The following GLDN variants were observed in gnomAD, a reference collection of about 807,000 sequenced individuals.
GLDN encodes the protein collomin.
Under a neutral mutation model 56.5 loss-of-function variants are expected in GLDN, and 47 were observed. The observed-to-expected ratio is 0.83, with a 90% CI of 0.66 to 1.06. The LOEUF (loss-of-function observed/expected upper bound fraction) is 1.06. Among genes scored for constraint, GLDN ranks in the 50% least tolerant of loss-of-function variants. The pLI is 0.00. For missense variants in GLDN, 782 were observed against 714.3 expected (o/e 1.09, Z -1.08); for synonymous variants, 332 against 278.8 (o/e 1.19, Z -1.90).
At chr15:51,403,793 T>C (rs1294216767) in intron 9 of GLDN, among the ~76,000 whole-genome samples, 2 of 152,206 alleles carry the variant, frequency 1.3e-5, no homozygotes, top group Non-Finnish European at 2.9e-5. Context: ...TTAGAAACCC[T>C]AAGTTCAACC....
rs747984124 is a variant in GLDN at position 51,394,838 on chromosome 15, T to C, written c.545T>C (p.Ile182Thr). 1 of 1,613,798 alleles carries C rather than the reference T, an allele frequency of 6.2e-7. No homozygotes were observed. Among genetic ancestry groups the C allele is most frequent in the African/African-American group, 1.3e-5 (1 of 75,008 alleles). The change falls in exon 5 of 10, where the codon ATA becomes ACA. Residue 182 changes from isoleucine (I) to threonine (T), a missense_variant. Ile to Thr is a moderately conservative substitution (Grantham distance 89, BLOSUM62 -1). Coordinates refer to ENST00000335449, the MANE Select transcript of GLDN (RefSeq NM_181789.4). Reference protein sequence around the residue: ...GANGKRGKMGIPGAAGNPGER... With the variant: ...GANGKRGKMGTPGAAGNPGER... ...TGTCTTTTGTTTTTTTGGTCAGGGA[T>C]ACCTGGAGCTGCAGGAAATCCAGGG...
intron 1 of GLDN, among the ~76,000 whole-genome samples, chr15:51,374,595 CA>C (rs564973828): frequency 6.6e-6 from 1 of 152,264 alleles, no homozygotes; most frequent in Non-Finnish European, 1.5e-5. Context: ...AAGTGTACTC[CA>C]ACTCAGAGAG....
intron 1 of GLDN, chr15:51,377,134 T>C: frequency 2.6e-6 from 1 of 381,230 alleles, no homozygotes; most frequent in Admixed American, 4.2e-5. Context: ...CTTTTTACAA[T>C]CTGCAGTGTG....
chr15:51,349,365 T>A (rs1308235579), intron 1 of GLDN, among the ~76,000 whole-genome samples: 1 of 152,274 alleles, frequency 6.6e-6, no homozygotes, highest in African/African-American at 2.4e-5. Context: ...GGATTTAGAC[T>A]GGGGTCAGCA....
intron 1 of GLDN, chr15:51,351,140 C>G (rs1164887809): frequency 1.7e-5 from 5 of 295,782 alleles, no homozygotes. Flanking sequence ...CTTATCTCCT[C>G]CCAGTTCAAA....
intron 1 of GLDN, among the ~76,000 whole-genome samples, chr15:51,363,917 A>G (rs528196181): frequency 1.3e-5 from 2 of 152,254 alleles, no homozygotes; most frequent in South Asian, 2.1e-4. Flanking sequence ...ATGTTACTCT[A>G]CTATCTTCTC....
rs927888384 is a variant in GLDN, at chr15:51,341,787, G to T, written c.103G>T (p.Val35Leu). ...LLSALNAAGT[V>L]FALCQWRGLS... ...CTCGGCGCTCAACGCTGCGGGCACG[G>T]TGTTCGCGCTGTGCCAGTGGCGCGG... The change falls in exon 1 of 10, where the codon GTG becomes TTG. Residue 35 changes from valine to leucine, a missense_variant. Val to Leu is a conservative substitution (Grantham distance 32). Transcript: ENST00000335449. The T allele has an allele frequency of 9.9e-6, 15 of 1,508,896 alleles. No individual in the cohort carries two copies. The highest frequency in any genetic ancestry group is 8.7e-5 in the African/African-American group (6 of 69,224). 93.5% of individuals were successfully genotyped at this position (1,508,896 alleles called of 1,614,324 possible).
chr15:51,391,261 A>G (rs2038013721), intron 4 of GLDN, among the ~76,000 whole-genome samples: 1 of 151,452 alleles, frequency 6.6e-6, no homozygotes, highest in Non-Finnish European at 1.5e-5. Context: ...GCCAGGCAGC[A>G]GGAACATTTC....
At chr15:51,391,471 G>A (rs191483668) in intron 4 of GLDN, among the ~76,000 whole-genome samples, 220 of 152,354 alleles carry the variant, frequency 1.4e-3, no homozygotes, top group Middle Eastern at 6.8e-3. Flanking sequence ...TTTCGAAGGT[G>A]TCAGTTACAC....
rs116450294 is a variant in GLDN at position 51,366,586 on chromosome 15, G to A, written c.364-10863G>A. ...TGAATTCAGTTGTCAAACTGAGCTG[G>A]TGATTAGACTTTCATGAATATCTTT... On this transcript the variant is annotated intron_variant, in intron 1 of 9. Coordinates refer to ENST00000335449, the MANE Select transcript of GLDN (RefSeq NM_181789.4). Among the ~76,000 whole-genome samples, 568 of 152,292 alleles carry A rather than the reference G, an allele frequency of 3.7e-3. 5 individuals carry two copies. Among genetic ancestry groups the A allele is most frequent in the African/African-American group, 0.013 (554 of 41,556 alleles).
At chr15:51,368,482 G>A (rs2037451067) in intron 1 of GLDN, among the ~76,000 whole-genome samples, 1 of 151,890 alleles carries the variant, frequency 6.6e-6, no homozygotes, top group Non-Finnish European at 1.5e-5. Flanking sequence ...AAGATGGCTG[G>A]ACAGGCTCAC....
chr15:51,370,593 C>G (rs2037495590), intron 1 of GLDN, among the ~76,000 whole-genome samples: 1 of 151,596 alleles, frequency 6.6e-6, no homozygotes, highest in Admixed American at 6.6e-5. Context: ...ACAACACTAA[C>G]ATGCTTTCCA....
At chr15:51,383,680 A>G in intron 3 of GLDN, 105 bp from the exon 4 acceptor site, 1 of 977,722 alleles carries the variant, frequency 1.0e-6, no homozygotes, top group Non-Finnish European at 1.5e-6. Context: ...TGGAAAAGGA[A>G]TTGATGCCTG....
At chr15:51,383,636 G>A (rs142903423) in intron 3 of GLDN, 149 bp from the exon 4 acceptor site, 6 of 957,638 alleles carry the variant, frequency 6.3e-6, no homozygotes, top group Non-Finnish European at 9.6e-6. Flanking sequence ...CACTGCTTCA[G>A]CCAGAGAAGG....
chr15:51,370,865 AC>A (rs1461437728), intron 1 of GLDN, among the ~76,000 whole-genome samples: 1 of 152,068 alleles, frequency 6.6e-6, no homozygotes, highest in East Asian at 1.9e-4. Flanking sequence ...GGTGGTGTGC[AC>A]CTATAGTCCT....
chr15:51,368,610 G>A (rs540847826), intron 1 of GLDN, among the ~76,000 whole-genome samples: 4 of 151,450 alleles, frequency 2.6e-5, no homozygotes, highest in Non-Finnish European at 5.9e-5. Flanking sequence ...GGTCAAGTTA[G>A]GATTTTAAGA....
In GLDN at chr15:51,373,212, G is replaced by A. The variant is rs545165727; in HGVS notation, c.364-4237G>A. On this transcript the variant is annotated intron_variant, in intron 1 of 9. Transcript: ENST00000335449. The stretch of plus-strand genomic sequence containing the variant: ...GAGTAGGTAATAAATATGTAAGCAA[G>A]ATAATACAGTCATTCCTCAGTATCT... Among the ~76,000 whole-genome samples the A allele has an allele frequency of 3.3e-5, 5 of 152,308 alleles. No homozygotes were observed. In the South Asian group the frequency reaches 1.0e-3, roughly 32 times the overall value.
intron 1 of GLDN, among the ~76,000 whole-genome samples, chr15:51,368,226 G>A (rs902909663): frequency 2.6e-5 from 4 of 152,122 alleles, no homozygotes; most frequent in African/African-American, 4.8e-5. Flanking sequence ...AAAGGGAATG[G>A]ATAAGTGAAT....
intron 1 of GLDN, among the ~76,000 whole-genome samples, chr15:51,371,636 A>G (rs987955238): frequency 1.8e-4 from 28 of 152,210 alleles, no homozygotes; most frequent in African/African-American, 6.5e-4. Context: ...GTATTAGTCC[A>G]CTTTCTGTTT....
Sources: gnomAD v4.1 joint callset for allele counts (sites outside exome capture counted in the v4.1 genomes callset) on GRCh38, gnomAD v4.1.1 for gene constraint, MANE v1.5 for transcripts, NCBI Gene and HGNC (gene_info 2026-07-23, HGNC 2026-07-21) for gene names.